SCD5: variants seen among roughly 807,000 people sequenced by gnomAD.
SCD5 encodes the protein acyl-CoA-desaturase 4.
In SCD5, 20 loss-of-function variants were observed where a neutral mutation model predicts 30.4. The ratio of observed to expected loss-of-function variants is 0.66; its 90% CI spans 0.46 to 0.96. The LOEUF (loss-of-function observed/expected upper bound fraction) is 0.96. Ranked by LOEUF, SCD5 falls within the 40% of genes least tolerant of loss-of-function variation. The probability of loss-of-function intolerance (pLI) is 0.00; values close to 1 mark genes in which losing one functional copy is unlikely to be tolerated. For missense variants in SCD5, 381 were observed against 443.3 expected (o/e 0.86, Z 1.26); for synonymous variants, 173 against 176.4 (o/e 0.98, Z 0.16).
At chr4:82,759,795 A>C (rs1365322571) in intron 1 of SCD5, among the ~76,000 whole-genome samples, 2 of 152,058 alleles carry the variant, frequency 1.3e-5, no homozygotes, top group Admixed American at 6.6e-5. Context: ...CTTCTCCTAG[A>C]GATTATGAGT....
chr4:82,786,763 G>C (rs1721996419), intron 1 of SCD5, among the ~76,000 whole-genome samples: 2 of 146,394 alleles, frequency 1.4e-5, no homozygotes, highest in South Asian at 4.3e-4. Context: ...TTGCACTCCA[G>C]CCTGGGGGAC....
intron 1 of SCD5, among the ~76,000 whole-genome samples, chr4:82,712,106 T>C (rs1186802193): frequency 2.0e-5 from 3 of 149,172 alleles, no homozygotes; most frequent in Admixed American, 6.7e-5. Flanking sequence ...CATTATGATC[T>C]CCATCTTATA....
chr4:82,776,374 A>G (rs1721744694), intron 1 of SCD5, among the ~76,000 whole-genome samples: 1 of 152,174 alleles, frequency 6.6e-6, no homozygotes, highest in Non-Finnish European at 1.5e-5. Context: ...GCATCTGTGA[A>G]TGTTGTGTCA....
chr4:82,780,471 G>A (rs1721843777), intron 1 of SCD5, among the ~76,000 whole-genome samples: 1 of 152,204 alleles, frequency 6.6e-6, no homozygotes. Context: ...GTGGAAAATG[G>A]AATTTAATCA....
chr4:82,783,406 G>A lies in SCD5; in HGVS notation c.232+14900C>T, dbSNP rs570629231. On this transcript the variant is annotated intron_variant, in intron 1 of 4. Transcript: ENST00000319540. ...CCAAAGGGGGAAAAAAATAGCTAAA[G>A]AGGACATGGCAAAGATGCCTGATGA... Among the ~76,000 whole-genome samples, 7 of 152,314 alleles carry A rather than the reference G, an allele frequency of 4.6e-5. No individual in the cohort carries two copies. The South Asian group carries it at 1.4e-3, about 32-fold the overall frequency.
intron 1 of SCD5, among the ~76,000 whole-genome samples, chr4:82,757,156 C>G (rs1017793144): frequency 1.3e-5 from 2 of 152,208 alleles, no homozygotes; most frequent in African/African-American, 4.8e-5. Context: ...AGTCTCTCCT[C>G]TCCCATCTCC....
At chr4:82,684,170 A>C (rs979880006) in intron 2 of SCD5, among the ~76,000 whole-genome samples, 1 of 152,212 alleles carries the variant, frequency 6.6e-6, no homozygotes, top group Non-Finnish European at 1.5e-5. Context: ...TTTCCAACAG[A>C]AGCTACCTGA....
chr4:82,644,963 C>T (rs920331015), intron 3 of SCD5, among the ~76,000 whole-genome samples: 2 of 152,190 alleles, frequency 1.3e-5, no homozygotes, highest in Admixed American at 6.5e-5. Flanking sequence ...TTCCTCTCTG[C>T]CTATCTATGA....
At chr4:82,779,860 A>C (rs999117370) in intron 1 of SCD5, among the ~76,000 whole-genome samples, 4 of 152,232 alleles carry the variant, frequency 2.6e-5, no homozygotes, top group African/African-American at 4.8e-5. Flanking sequence ...GCCCACAGTG[A>C]GTCCATCATC....
At chr4:82,789,439 A>C (rs1227671423) in intron 1 of SCD5, among the ~76,000 whole-genome samples, 1 of 152,146 alleles carries the variant, frequency 6.6e-6, no homozygotes, top group Non-Finnish European at 1.5e-5. Flanking sequence ...AATCACCTGG[A>C]GATGTCGTTA....
intron 1 of SCD5, among the ~76,000 whole-genome samples, chr4:82,776,343 T>C (rs1721743913): frequency 6.6e-6 from 1 of 152,124 alleles, no homozygotes; most frequent in African/African-American, 2.4e-5. Context: ...CCAGTTTGCA[T>C]GTGAAAAAAA....
At chr4:82,790,929 A>G (rs1722086480) in intron 1 of SCD5, among the ~76,000 whole-genome samples, 1 of 152,200 alleles carries the variant, frequency 6.6e-6, no homozygotes, top group South Asian at 2.1e-4. Context: ...CATTTCTGAC[A>G]ATCATTGGAA....
chr4:82,765,421 A>T (rs1283894008), intron 1 of SCD5, among the ~76,000 whole-genome samples: 1 of 152,138 alleles, frequency 6.6e-6, no homozygotes, highest in Non-Finnish European at 1.5e-5. Flanking sequence ...TCCACAGTGA[A>T]TTGGTTCCAG....
chr4:82,755,964 A>C (rs1210994946), intron 1 of SCD5, among the ~76,000 whole-genome samples: 1 of 152,216 alleles, frequency 6.6e-6, no homozygotes, highest in African/African-American at 2.4e-5. Context: ...TTGACCCTGC[A>C]CCACCAGAAT....
At chr4:82,679,285 AAG>A (rs1728515838) in intron 3 of SCD5, among the ~76,000 whole-genome samples, 5 of 133,236 alleles carry the variant, frequency 3.8e-5, no homozygotes, top group Admixed American at 8.8e-5. Context: ...AGAAAGAAGG[AAG>A]GAAAGAAAGA....
At chr4:82,767,094 A>G (rs1262409930) in intron 1 of SCD5, among the ~76,000 whole-genome samples, 1 of 151,878 alleles carries the variant, frequency 6.6e-6, no homozygotes, top group African/African-American at 2.4e-5. Flanking sequence ...GTTTTCCCAG[A>G]CCTGTGGGGT....
chr4:82,720,288 T>C (rs967832221), intron 1 of SCD5, among the ~76,000 whole-genome samples: 6 of 151,174 alleles, frequency 4.0e-5, no homozygotes, highest in Non-Finnish European at 5.9e-5. Context: ...TAAAAATTAG[T>C]TGGGTGTGGT....
At chr4:82,662,813 C>T (rs576866699) in intron 3 of SCD5, among the ~76,000 whole-genome samples, 69 of 148,192 alleles carry the variant, frequency 4.7e-4, no homozygotes, top group African/African-American at 1.7e-3. Context: ...TGAGCCGAGA[C>T]CACGCCATTG....
At chr4:82,647,133 T>C (rs1290046427) in intron 3 of SCD5, among the ~76,000 whole-genome samples, 1 of 152,212 alleles carries the variant, frequency 6.6e-6, no homozygotes, top group Non-Finnish European at 1.5e-5. Context: ...CCATCTCTAC[T>C]TTTTTTGGTA....
Sources: allele counts gnomAD v4.1 joint callset (sites outside exome capture counted in the v4.1 genomes callset), GRCh38; gene constraint gnomAD v4.1.1; transcripts MANE v1.5; gene names NCBI Gene and HGNC (gene_info 2026-07-23, HGNC 2026-07-21).